PIEZO2: variants seen among roughly 807,000 people sequenced by gnomAD.
PIEZO2 encodes the protein piezo type mechanosensitive ion channel component 2.
A neutral mutation model predicts 337.3 loss-of-function variants in PIEZO2; 172 were observed. The ratio of observed to expected loss-of-function variants is 0.51; its 90% CI spans 0.45 to 0.58. The LOEUF is 0.58. PIEZO2 is among the 20% of genes least tolerant of loss of function. PIEZO2 has a pLI of 0.00. For missense variants in PIEZO2, 3,028 were observed against 3,391.3 expected (o/e 0.89, Z 2.66); for synonymous variants, 1,251 against 1,228.5 (o/e 1.02, Z -0.38).
intron 2 of PIEZO2, among the ~76,000 whole-genome samples, chr18:11,053,470 T>G (rs549145069): frequency 2.9e-4 from 44 of 152,314 alleles, no homozygotes; most frequent in African/African-American, 1.0e-3. Context: ...AAAAATTTAT[T>G]AGAGACAGGG....
At chr18:10,818,108 T>C (rs1183513731) in intron 7 of PIEZO2, among the ~76,000 whole-genome samples, 1 of 152,144 alleles carries the variant, frequency 6.6e-6, no homozygotes. Flanking sequence ...AAATAGATTC[T>C]GGAACATCAA....
Position 10,982,728 on chromosome 18 carries a change from AT to A in PIEZO2, c.161-3069del, listed in dbSNP as rs113593129. The stretch of plus-strand genomic sequence containing the variant: ...ATGTTATAAAACCATATGTTTATTT[AT>A]TTTTTTTTTGAGACAGGGTCTCACT... On this transcript the variant is annotated intron_variant, in intron 2 of 55. Transcript: ENST00000674853. This position sits in a 1 kb window ranked among gnomAD's most constrained non-coding sequence, Gnocchi z 4.1. 8.7e-4 allele frequency among the ~76,000 whole-genome samples: 130 copies of A among 149,694 alleles called. No homozygotes were observed. The highest frequency in any genetic ancestry group is 1.4e-3 in the Non-Finnish European group (93 of 67,182).
chr18:11,095,525 C>T (rs1007385492), intron 1 of PIEZO2, among the ~76,000 whole-genome samples: 1 of 152,212 alleles, frequency 6.6e-6, no homozygotes, highest in Non-Finnish European at 1.5e-5. Flanking sequence ...ACTTTGGCTT[C>T]ACCTCCCATT....
chr18:10,759,966 T>G lies in PIEZO2; in HGVS notation c.3451-57A>C. The G allele has an allele frequency of 8.6e-5, 118 of 1,374,168 alleles. No individual in the cohort carries two copies. The highest frequency in any genetic ancestry group is 1.0e-4 in the Non-Finnish European group (102 of 1,001,126). The allele number at this position is 1,374,168 out of a possible 1,614,324, so 85.1% of individuals were successfully genotyped here. A position where few individuals can be genotyped will look rare whatever the true frequency, so the allele number is the denominator to read the frequency against. ...AAATCAGGCATATGGGAAAGGGGAC[T>G]GGTGATAGGTGTCAGGTCTGTGTAG... On this transcript the variant is annotated intron_variant, in intron 24 of 55. Transcript: ENST00000674853. This position sits in a 1 kb window ranked among gnomAD's most constrained non-coding sequence, Gnocchi z 5.5.
intron 4 of PIEZO2, among the ~76,000 whole-genome samples, chr18:10,900,335 G>T (rs1320536419): frequency 6.6e-6 from 1 of 152,114 alleles, no homozygotes; most frequent in Non-Finnish European, 1.5e-5. Context: ...ATTGCATAGG[G>T]AAAGTTTCGT....
At chr18:10,996,379 A>G (rs575059564) in intron 2 of PIEZO2, among the ~76,000 whole-genome samples, 1 of 152,372 alleles carries the variant, frequency 6.6e-6, no homozygotes, top group South Asian at 2.1e-4. Flanking sequence ...TAAAAAATAG[A>G]TCATTTCAAG....
chr18:11,127,230 G>C lies in PIEZO2; in HGVS notation c.64+21295C>G, dbSNP rs1484099710. Reference sequence around the variant, plus strand: ...GAGGTCCCTGAGGAGGTGACATTTAGGCTGAGATATAGGAGGAAACGCTCA... The same window carrying C: ...GAGGTCCCTGAGGAGGTGACATTTACGCTGAGATATAGGAGGAAACGCTCA... On this transcript the variant is annotated intron_variant, in intron 1 of 55. Transcript: ENST00000674853. The surrounding 1 kb of genome is among the most constrained non-coding windows in gnomAD (Gnocchi z 4.5). Among the ~76,000 whole-genome samples, 6 of 152,174 alleles carry C rather than the reference G, an allele frequency of 3.9e-5. No individual in the cohort carries two copies. Among genetic ancestry groups the C allele is most frequent in the African/African-American group, 1.2e-4 (5 of 41,440 alleles).
chr18:10,792,298 C>T (rs1225953920), intron 13 of PIEZO2, among the ~76,000 whole-genome samples: 1 of 152,154 alleles, frequency 6.6e-6, no homozygotes, highest in Non-Finnish European at 1.5e-5. Flanking sequence ...AATTCACATA[C>T]CATGCAATTC....
chr18:10,752,351 A>C (rs538735551), intron 28 of PIEZO2, among the ~76,000 whole-genome samples: 3 of 152,248 alleles, frequency 2.0e-5, no homozygotes, highest in Non-Finnish European at 4.4e-5. Flanking sequence ...ATTGTTCCTC[A>C]GAAGAGACAG....
At chr18:11,000,143 TG>T (rs2035477813) in intron 2 of PIEZO2, among the ~76,000 whole-genome samples, 1 of 152,056 alleles carries the variant, frequency 6.6e-6, no homozygotes. Context: ...CAAAAGCAAA[TG>T]GAAGAATGAA....
chr18:10,683,822 G>A (rs1191246), intron 49 of PIEZO2, among the ~76,000 whole-genome samples: 61,593 of 151,986 alleles, frequency 0.41, 13,627 homozygotes, highest in East Asian at 0.55. Flanking sequence ...TGCCAAGGGC[G>A]GTTTTAGTCT....
rs1307968548 is a variant in PIEZO2, at chr18:10,759,542, T to C, written c.3697A>G (p.Ile1233Val). 3.3e-6 allele frequency: 5 copies of C among 1,537,214 alleles called. No homozygotes were observed. In the African/African-American group the frequency reaches 4.1e-5, roughly 13 times the overall value. The change falls in exon 26 of 56, where the codon ATC becomes GTC. Residue 1233 changes from isoleucine to valine, a missense_variant. Around this residue, in one of 5 missense-constraint regions of PIEZO2, gnomAD observed 1,925 missense variants for 2,051.9 expected, o/e 0.94. Coordinates refer to ENST00000674853, the MANE Select transcript of PIEZO2 (RefSeq NM_001378183.1). This position sits in a 1 kb window ranked among gnomAD's most constrained non-coding sequence, Gnocchi z 5.5. Reference protein sequence around the residue: ...RFKGASFNDNIIKWLYFPDFI... With the variant: ...RFKGASFNDNVIKWLYFPDFI... ...TCTGGGAAGTACAGCCACTTTATGA[T>C]GTTGTCATTGAAGCTGGCACCCTTG...
At chr18:10,978,957 T>C (rs938019948) in intron 3 of PIEZO2, among the ~76,000 whole-genome samples, 1 of 152,128 alleles carries the variant, frequency 6.6e-6, no homozygotes, top group Non-Finnish European at 1.5e-5. Context: ...ACATGTATAC[T>C]GACTCTTTCA....
At position 11,148,418 on chromosome 18, in the gene PIEZO2, C is replaced by A. The variant is rs771108050; in HGVS notation, c.64+107G>T. The A allele has an allele frequency of 7.6e-7, 1 of 1,311,692 alleles. No homozygotes were observed. The highest frequency in any genetic ancestry group is 1.1e-6 in the Non-Finnish European group (1 of 951,114). 81.3% of individuals were successfully genotyped at this position (1,311,692 alleles called of 1,614,324 possible). ...CGCGCGTCTGACGCCGCTGGCCTCC[C>A]GAATCGAACCCCAGAGCACCAGAGC... On this transcript the variant is annotated intron_variant, in intron 1 of 55. Coordinates refer to ENST00000674853, the MANE Select transcript of PIEZO2 (RefSeq NM_001378183.1). This position sits in a 1 kb window ranked among gnomAD's most constrained non-coding sequence, Gnocchi z 5.2.
At chr18:10,835,490 T>C (rs772089673) in intron 7 of PIEZO2, among the ~76,000 whole-genome samples, 3 of 152,234 alleles carry the variant, frequency 2.0e-5, no homozygotes, top group Non-Finnish European at 4.4e-5. Flanking sequence ...CATAATGGTA[T>C]ATTGGCAGAA....
rs1223474329 is a variant in PIEZO2 at position 10,979,740 on chromosome 18, A to G, written c.161-80T>C. 1 of 1,323,994 alleles carries G rather than the reference A, an allele frequency of 7.6e-7. No individual in the cohort carries two copies. 82.0% of individuals were successfully genotyped at this position (1,323,994 alleles called of 1,614,324 possible). A position where few individuals can be genotyped will look rare whatever the true frequency, so the allele number is the denominator to read the frequency against. ...TGCTGTCTCTTGTACATATTTCTGTATAACCTATTAGATAGACCGACTCAA... is the reference window on the plus strand; with the variant it reads ...TGCTGTCTCTTGTACATATTTCTGTGTAACCTATTAGATAGACCGACTCAA... On this transcript the variant is annotated intron_variant, in intron 2 of 55. Transcript: ENST00000674853. This position sits in a 1 kb window ranked among gnomAD's most constrained non-coding sequence, Gnocchi z 4.0.
rs1288021344 is a variant in PIEZO2 at position 10,856,884 on chromosome 18, T to C, written c.703+117A>G. On this transcript the variant is annotated intron_variant, in intron 6 of 55. Transcript: ENST00000674853. The surrounding 1 kb of genome is among the most constrained non-coding windows in gnomAD (Gnocchi z 4.7). ...GCCAGTTTTACAAGAGCTACAGTTATGATATTCATGTGGTGGAACAGACTG... is the reference window on the plus strand; with the variant it reads ...GCCAGTTTTACAAGAGCTACAGTTACGATATTCATGTGGTGGAACAGACTG... 4 of 944,772 alleles carry C rather than the reference T, an allele frequency of 4.2e-6. No homozygotes were observed. Among genetic ancestry groups the C allele is most frequent in the East Asian group, 5.3e-5 (2 of 38,016 alleles). 58.5% of individuals were successfully genotyped at this position (944,772 alleles called of 1,614,324 possible).
intron 3 of PIEZO2, among the ~76,000 whole-genome samples, chr18:10,970,170 G>T: frequency 6.6e-6 from 1 of 152,196 alleles, no homozygotes; most frequent in East Asian, 1.9e-4. Flanking sequence ...ATTAACTCGG[G>T]TTATCTGGAG....
At chr18:10,906,646 C>T (rs776986711) in intron 4 of PIEZO2, among the ~76,000 whole-genome samples, 4 of 152,060 alleles carry the variant, frequency 2.6e-5, no homozygotes, top group East Asian at 1.9e-4. Flanking sequence ...CTGCAACCTC[C>T]GCCTCCTGGG....
Sources: gnomAD v4.1 joint callset for allele counts (sites outside exome capture counted in the v4.1 genomes callset) on GRCh38, gnomAD v4.1.1 for gene constraint, gnomAD v4.1.1 regional missense constraint, Gnocchi (gnomAD v3.1) non-coding constraint, MANE v1.5 for transcripts, NCBI Gene and HGNC (gene_info 2026-07-23, HGNC 2026-07-21) for gene names.